MAGI2: variants seen among roughly 807,000 people sequenced by gnomAD.
MAGI2 encodes the protein membrane-associated guanylate kinase, WW and PDZ domain-containing protein 2.
Under a neutral mutation model 133.3 loss-of-function variants are expected in MAGI2, and 35 were observed. That is an observed-to-expected ratio of 0.26 (90% confidence interval 0.20 to 0.35). The LOEUF is 0.35. MAGI2 is among the 10% of genes least tolerant of loss of function. MAGI2 has a pLI of 1.00. For synonymous variants in MAGI2, 729 were observed against 710.6 expected (o/e 1.03, Z -0.41); for missense variants, 1,636 against 1,863.4 (o/e 0.88, Z 2.25).
At chr7:78,668,495 T>C (rs1217086599) in intron 2 of MAGI2, among the ~76,000 whole-genome samples, 1 of 151,298 alleles carries the variant, frequency 6.6e-6, no homozygotes, top group East Asian at 1.9e-4. Context: ...TGGTAATGCC[T>C]AGGTTTTCTT....
At chr7:79,401,643 A>T (rs1414943383) in intron 1 of MAGI2, among the ~76,000 whole-genome samples, 3 of 152,182 alleles carry the variant, frequency 2.0e-5, no homozygotes, top group Non-Finnish European at 4.4e-5. Flanking sequence ...AACAGTAATT[A>T]AAAAAATGAA....
At chr7:79,130,335 A>C (rs1420373865) in intron 1 of MAGI2, among the ~76,000 whole-genome samples, 1 of 152,272 alleles carries the variant, frequency 6.6e-6, no homozygotes, top group South Asian at 2.1e-4. Flanking sequence ...AGAAAAGAAG[A>C]GAAAATACTT....
intron 4 of MAGI2, among the ~76,000 whole-genome samples, chr7:78,519,372 C>T (rs941804325): frequency 2.0e-5 from 3 of 152,100 alleles, no homozygotes; most frequent in Admixed American, 2.0e-4. Context: ...ATTTGTATAT[C>T]TCTCATCTCC....
chr7:79,363,033 A>G (rs898473362), intron 1 of MAGI2, among the ~76,000 whole-genome samples: 7 of 151,738 alleles, frequency 4.6e-5, no homozygotes, highest in African/African-American at 1.7e-4. Context: ...GTGACATATT[A>G]TCTACATAGA....
chr7:78,366,940 A>G (rs1793439453), intron 7 of MAGI2, among the ~76,000 whole-genome samples: 1 of 152,164 alleles, frequency 6.6e-6, no homozygotes, highest in Admixed American at 6.6e-5. Context: ...TGACCTGTAT[A>G]TACAACCTCC....
chr7:79,332,185 C>T (rs1840131441), intron 1 of MAGI2, among the ~76,000 whole-genome samples: 1 of 152,102 alleles, frequency 6.6e-6, no homozygotes, highest in Non-Finnish European at 1.5e-5. Context: ...AGTGCAAAAG[C>T]AGGTTCTCAT....
intron 2 of MAGI2, among the ~76,000 whole-genome samples, chr7:78,982,269 A>G (rs1159939449): frequency 6.6e-6 from 1 of 151,926 alleles, no homozygotes; most frequent in Non-Finnish European, 1.5e-5. Context: ...CATTAAAAGG[A>G]TTTCTACTTT....
intron 2 of MAGI2, among the ~76,000 whole-genome samples, chr7:78,982,395 T>A (rs557079172): frequency 1.3e-5 from 2 of 151,926 alleles, no homozygotes; most frequent in African/African-American, 4.8e-5. Flanking sequence ...AAATGGGATA[T>A]GTCTGTAAAG....
chr7:79,240,506 C>A lies in MAGI2; in HGVS notation c.301+212514G>T, dbSNP rs370536256. ...AATGTGGAGAGCACACTGGCAGAGG[C>A]AACATCCAGCAAAAAATGTGCAATT... On this transcript the variant is annotated intron_variant, in intron 1 of 21. Transcript: ENST00000354212. 2.0e-5 allele frequency among the ~76,000 whole-genome samples: 3 copies of A among 152,188 alleles called. No individual in the cohort carries two copies. The East Asian group carries it at 5.8e-4, about 29-fold the overall frequency.
chr7:78,818,907 C>T (rs1789842632), intron 2 of MAGI2, among the ~76,000 whole-genome samples: 1 of 152,058 alleles, frequency 6.6e-6, no homozygotes, highest in Admixed American at 6.5e-5. Flanking sequence ...ATTCTCAGAA[C>T]ACTACAAAAC....
At chr7:78,732,999 AGAG>A (rs1821513347) in intron 2 of MAGI2, among the ~76,000 whole-genome samples, 1 of 152,152 alleles carries the variant, frequency 6.6e-6, no homozygotes, top group African/African-American at 2.4e-5. Context: ...GTAACCAGGT[AGAG>A]GAGGAGTAAG....
At chr7:78,580,630 C>A (rs2215932) in intron 3 of MAGI2, among the ~76,000 whole-genome samples, 2 of 152,104 alleles carry the variant, frequency 1.3e-5, no homozygotes, top group African/African-American at 4.8e-5. Context: ...CCAGCCAAAC[C>A]TAGTTAGAAA....
intron 1 of MAGI2, among the ~76,000 whole-genome samples, chr7:79,136,127 A>AAGAAAG (rs1225606986): frequency 1.4e-5 from 2 of 146,884 alleles, no homozygotes; most frequent in African/African-American, 2.5e-5. Flanking sequence ...GAAAGAAAGA[A>AAGAAAG]AGACACAAAA....
intron 2 of MAGI2, among the ~76,000 whole-genome samples, chr7:78,995,246 T>A (rs117382448): frequency 0.024 from 3,594 of 152,172 alleles, 67 homozygotes; most frequent in Middle Eastern, 0.048. Flanking sequence ...ATCAAAGCTG[T>A]GTTGGATTGC....
At chr7:78,893,033 GA>G (rs1478224401) in intron 2 of MAGI2, among the ~76,000 whole-genome samples, 2 of 151,712 alleles carry the variant, frequency 1.3e-5, no homozygotes, top group African/African-American at 2.4e-5. Flanking sequence ...AAATTTACAA[GA>G]AAAAAACAAA....
At chr7:78,645,604 A>G (rs1380419250) in intron 2 of MAGI2, among the ~76,000 whole-genome samples, 1 of 151,212 alleles carries the variant, frequency 6.6e-6, no homozygotes, top group Non-Finnish European at 1.5e-5. Context: ...AATCCTACTA[A>G]AAACTCTTAG....
At chr7:78,848,103 C>T (rs1243919843) in intron 2 of MAGI2, among the ~76,000 whole-genome samples, 1 of 151,766 alleles carries the variant, frequency 6.6e-6, no homozygotes, top group Non-Finnish European at 1.5e-5. Context: ...CTGACCTCTC[C>T]CCCTGAACTC....
chr7:79,037,487 G>T (rs935337450), intron 1 of MAGI2, among the ~76,000 whole-genome samples: 1 of 152,076 alleles, frequency 6.6e-6, no homozygotes, highest in African/African-American at 2.4e-5. Context: ...TGGGCTTCAT[G>T]TGCCACCATT....
chr7:78,716,632 C>A (rs1002557466), intron 2 of MAGI2, among the ~76,000 whole-genome samples: 7 of 152,186 alleles, frequency 4.6e-5, no homozygotes, highest in African/African-American at 1.4e-4. Flanking sequence ...GGTACATTCA[C>A]ATTGCTGAGC....
Sources: gnomAD v4.1 joint callset for allele counts (sites outside exome capture counted in the v4.1 genomes callset) on GRCh38, gnomAD v4.1.1 for gene constraint, MANE v1.5 for transcripts, NCBI Gene and HGNC (gene_info 2026-07-23, HGNC 2026-07-21) for gene names.